The following PDGFD variants were observed in gnomAD, a reference collection of about 807,000 sequenced individuals.
PDGFD encodes platelet-derived growth factor D.
Under a neutral mutation model 44.7 loss-of-function variants are expected in PDGFD, and 30 were observed. The ratio of observed to expected loss-of-function variants is 0.67; its 90% CI spans 0.50 to 0.91. PDGFD has a LOEUF of 0.91. Ranked by LOEUF, PDGFD falls within the 40% of genes least tolerant of loss-of-function variation. The pLI is 0.00. For missense variants in PDGFD, 445 were observed against 457.8 expected (o/e 0.97, Z 0.25); for synonymous variants, 173 against 168.4 (o/e 1.03, Z -0.21).
chr11:104,007,211 G>A (rs1362900174), intron 1 of PDGFD, among the ~76,000 whole-genome samples: 9 of 152,206 alleles, frequency 5.9e-5, no homozygotes, highest in East Asian at 3.9e-4. Flanking sequence ...TTCTATTTCC[G>A]ACCTTGGAAC....
chr11:104,013,160 A>G lies in PDGFD; in HGVS notation c.125-12905T>C, dbSNP rs891883303. Among the ~76,000 whole-genome samples the G allele has an allele frequency of 4.6e-5, 7 of 152,194 alleles. 1 individual carries two copies. Among genetic ancestry groups the G allele is most frequent in the Admixed American group, 4.6e-4 (7 of 15,284 alleles). ...TGTGGAGAGGAGCTTGGCCTGGGAC[A>G]GCAGAACTCCAGGGGAAGATTATCT... On this transcript the variant is annotated intron_variant, in intron 1 of 6. Transcript: ENST00000393158.
intron 1 of PDGFD, among the ~76,000 whole-genome samples, chr11:104,123,947 C>T (rs557028867): frequency 1.1e-3 from 162 of 151,856 alleles, no homozygotes; most frequent in Non-Finnish European, 2.1e-3. Context: ...GTATGAAACA[C>T]AGAAGGAAGA....
At position 104,114,881 on chromosome 11, in the gene PDGFD, T is replaced by G. The variant is rs906084391; in HGVS notation, c.124+48923A>C. 1.2e-4 allele frequency among the ~76,000 whole-genome samples: 17 copies of G among 144,186 alleles called. 1 individual carries two copies. Among genetic ancestry groups the G allele is most frequent in the South Asian group, 8.5e-4 (4 of 4,698 alleles). The allele number at this position is 144,186 out of a possible 152,430, so 94.6% of individuals were successfully genotyped here. A position where few individuals can be genotyped will look rare whatever the true frequency, so the allele number is the denominator to read the frequency against. ...AATTTAAATCATAACATTTTTAGGT[T>G]TTTTTTTTTGTTTTTTCAAATTTTT... On this transcript the variant is annotated intron_variant, in intron 1 of 6. Coordinates refer to ENST00000393158, the MANE Select transcript of PDGFD (RefSeq NM_025208.5).
chr11:103,962,319 T>C (rs540776779), intron 3 of PDGFD, among the ~76,000 whole-genome samples: 2 of 152,284 alleles, frequency 1.3e-5, no homozygotes, highest in South Asian at 4.1e-4. Flanking sequence ...GTTAGAATGT[T>C]TTCCTGATCA....
At chr11:103,920,003 CAT>C (rs1369151726) in intron 6 of PDGFD, among the ~76,000 whole-genome samples, 1 of 152,188 alleles carries the variant, frequency 6.6e-6, no homozygotes, top group East Asian at 1.9e-4. Context: ...GAAGGGATAA[CAT>C]ATTATTTCCT....
Position 104,147,850 on chromosome 11 carries a change from C to A in PDGFD, c.124+15954G>T, listed in dbSNP as rs10895591. 3.9e-4 allele frequency among the ~76,000 whole-genome samples: 59 copies of A among 152,012 alleles called. 1 individual carries two copies. The highest frequency in any genetic ancestry group is 3.4e-3 in the Middle Eastern group (1 of 294). On this transcript the variant is annotated intron_variant, in intron 1 of 6. Coordinates refer to ENST00000393158, the MANE Select transcript of PDGFD (RefSeq NM_025208.5). ...TAGGTTAAATCCTCCAAACATATGG[C>A]GGGGTTCTCTTATTCACAAATCTTT...
chr11:104,024,332 A>G (rs1477221232), intron 1 of PDGFD, among the ~76,000 whole-genome samples: 3 of 152,204 alleles, frequency 2.0e-5, no homozygotes, highest in Non-Finnish European at 4.4e-5. Context: ...GACATTCCAC[A>G]TGTAAAATAA....
chr11:104,066,028 G>C (rs1860786181), intron 1 of PDGFD, among the ~76,000 whole-genome samples: 1 of 152,030 alleles, frequency 6.6e-6, no homozygotes, highest in South Asian at 2.1e-4. Context: ...TGGAAAAATT[G>C]GTGTCATATA....
At chr11:104,118,572 AAGG>A (rs1861675549) in intron 1 of PDGFD, among the ~76,000 whole-genome samples, 1 of 150,732 alleles carries the variant, frequency 6.6e-6, no homozygotes, top group African/African-American at 2.4e-5. Flanking sequence ...CCATGTTAAA[AAGG>A]AGTAGTGAGA....
At chr11:104,143,844 A>T (rs1419073545) in intron 1 of PDGFD, among the ~76,000 whole-genome samples, 1 of 152,254 alleles carries the variant, frequency 6.6e-6, no homozygotes, top group Non-Finnish European at 1.5e-5. Context: ...TTATAAAACC[A>T]ATTTGTCTAC....
chr11:103,939,270 T>C (rs1049527599), intron 5 of PDGFD, among the ~76,000 whole-genome samples: 6 of 152,114 alleles, frequency 3.9e-5, no homozygotes, highest in East Asian at 3.9e-4. Context: ...AGGTCCTTCA[T>C]GTCCCTTGTA....
intron 1 of PDGFD, among the ~76,000 whole-genome samples, chr11:104,013,742 ATAGGT>A (rs1428772520): frequency 1.3e-5 from 2 of 151,956 alleles, no homozygotes; most frequent in African/African-American, 4.8e-5. Context: ...TTGTTTTTCA[ATAGGT>A]AGCATGATCT....
At chr11:104,102,381 C>T (rs1371828355) in intron 1 of PDGFD, among the ~76,000 whole-genome samples, 3 of 152,086 alleles carry the variant, frequency 2.0e-5, no homozygotes, top group Non-Finnish European at 4.4e-5. Context: ...CAATGAGATA[C>T]CATCTCACAC....
At position 103,943,584 on chromosome 11, in the gene PDGFD, T is replaced by G; in HGVS notation, c.640A>C (p.Ile214Leu). ...TCTTCCACTGTATCAAATTCTGCAATTTTTTTGTCCAGAGCATCCGCAATC... is the reference window on the plus strand; with the variant it reads ...TCTTCCACTGTATCAAATTCTGCAAGTTTTTTGTCCAGAGCATCCGCAATC... Reference protein sequence around the residue: ...TLIADALDKKIAEFDTVEDLL... With the variant: ...TLIADALDKKLAEFDTVEDLL... Residue 214 changes from isoleucine (I) to leucine (L), a missense_variant, in exon 5 of 7, where the codon ATT becomes CTT. Coordinates refer to ENST00000393158, the MANE Select transcript of PDGFD (RefSeq NM_025208.5). The G allele has an allele frequency of 1.2e-6, 2 of 1,613,124 alleles. No individual in the cohort carries two copies. Among genetic ancestry groups the G allele is most frequent in the Non-Finnish European group, 1.7e-6 (2 of 1,179,486 alleles).
At chr11:104,041,425 C>T (rs1860350952) in intron 1 of PDGFD, among the ~76,000 whole-genome samples, 1 of 152,056 alleles carries the variant, frequency 6.6e-6, no homozygotes, top group African/African-American at 2.4e-5. Flanking sequence ...CAAAAATCCT[C>T]CTCTTAAATT....
chr11:104,024,856 A>T (rs1039942517), intron 1 of PDGFD, among the ~76,000 whole-genome samples: 2 of 152,256 alleles, frequency 1.3e-5, no homozygotes, highest in Admixed American at 6.5e-5. Context: ...TATAATCTCT[A>T]TTGAAGAATG....
intron 1 of PDGFD, among the ~76,000 whole-genome samples, chr11:104,053,928 A>C (rs361316): frequency 1 from 151,633 of 152,194 alleles, 75,541 homozygotes; most frequent in Middle Eastern, 1. Flanking sequence ...TAGCAAGTGG[A>C]AGAACAGAGA....
intron 1 of PDGFD, among the ~76,000 whole-genome samples, chr11:104,039,858 A>G (rs1312038006): frequency 6.6e-6 from 1 of 152,154 alleles, no homozygotes; most frequent in Non-Finnish European, 1.5e-5. Context: ...TTATTTGCAT[A>G]TATCACATGG....
chr11:104,096,857 G>C (rs1410911828), intron 1 of PDGFD, among the ~76,000 whole-genome samples: 1 of 152,192 alleles, frequency 6.6e-6, no homozygotes, highest in Non-Finnish European at 1.5e-5. Context: ...TAAAACTGAA[G>C]TTGTGCTAAG....
Sources: allele counts gnomAD v4.1 joint callset (sites outside exome capture counted in the v4.1 genomes callset), GRCh38; gene constraint gnomAD v4.1.1; transcripts MANE v1.5; gene names NCBI Gene and HGNC (gene_info 2026-07-23, HGNC 2026-07-21).